The following CTNNAL1 variants were observed in gnomAD, a reference collection of about 807,000 sequenced individuals.
The protein encoded by CTNNAL1 is catenin alpha like 1.
A neutral mutation model predicts 93.6 loss-of-function variants in CTNNAL1; 69 were observed. The observed-to-expected ratio is 0.74, with a 90% CI of 0.61 to 0.90. The LOEUF is 0.90. Among genes scored for constraint, CTNNAL1 ranks in the 40% least tolerant of loss-of-function variants. The pLI is 0.00. For missense variants in CTNNAL1, 836 were observed against 862.0 expected, an observed-to-expected ratio of 0.97 and a Z score of 0.38; for synonymous variants, 286 against 305.4, an observed-to-expected ratio of 0.94 and a Z score of 0.66.
At position 108,972,721 on chromosome 9, in the gene CTNNAL1, G is replaced by A. The variant is rs775372265; in HGVS notation, c.1301C>T (p.Ala434Val). The change falls in exon 9 of 19, where the codon GCT becomes GTT. Residue 434 changes from alanine (A) to valine (V), a missense_variant. By Grantham distance (64) the Ala-to-Val change is moderately conservative (BLOSUM62 0). Coordinates refer to ENST00000325551, the MANE Select transcript of CTNNAL1 (RefSeq NM_003798.4). Reference sequence around the variant, plus strand: ...TTCAGAGAGTTTACAGGCATATTCAGCCAAAGCTTCTAAATTTCCTTCTAC... The same window carrying A: ...TTCAGAGAGTTTACAGGCATATTCAACCAAAGCTTCTAAATTTCCTTCTAC... ...TGVEGNLEAL[A>V]EYACKLSEQK... is the part of the protein sequence containing the mutation. 1 of 1,613,906 alleles carries A rather than the reference G, an allele frequency of 6.2e-7. No homozygotes were observed. The highest frequency in any genetic ancestry group is 8.5e-7 in the Non-Finnish European group (1 of 1,179,984).
intron 4 of CTNNAL1, among the ~76,000 whole-genome samples, chr9:108,987,272 T>A (rs1831640540): frequency 6.6e-6 from 1 of 151,334 alleles, no homozygotes. Context: ...CCAGCACCAT[T>A]TATTAAATAG....
At chr9:108,971,425 C>G (rs1388161606) in intron 9 of CTNNAL1, among the ~76,000 whole-genome samples, 1 of 152,152 alleles carries the variant, frequency 6.6e-6, no homozygotes, top group South Asian at 2.1e-4. Context: ...TGTCCCTACC[C>G]AAATCTCACC....
At chr9:109,007,055 C>CA (rs1331898073) in intron 1 of CTNNAL1, among the ~76,000 whole-genome samples, 1 of 151,864 alleles carries the variant, frequency 6.6e-6, no homozygotes, top group Non-Finnish European at 1.5e-5. Context: ...TCCATCTCTA[C>CA]AAAAAAACAA....
chr9:108,979,311 C>A lies in CTNNAL1; in HGVS notation c.1071G>T (p.Leu357=). 2 of 1,614,138 alleles carry A rather than the reference C, an allele frequency of 1.2e-6. No individual in the cohort carries two copies. The highest frequency in any genetic ancestry group is 1.7e-6 in the Non-Finnish European group (2 of 1,180,002). ...GAATCCACACAGAAATTAACTGCTG[C>A]AGTTCCATTCTCGCCTGAGTTGACA... ...LELSTQARME[L]QQLISVWIQA... Residue 357 remains leucine (L), a synonymous_variant, in exon 7 of 19, where the codon CTG becomes CTT. Transcript: ENST00000325551.
At chr9:108,964,373 A>G (rs926260468) in intron 11 of CTNNAL1, among the ~76,000 whole-genome samples, 1 of 152,226 alleles carries the variant, frequency 6.6e-6, no homozygotes, top group Non-Finnish European at 1.5e-5. Flanking sequence ...ATTGTAAATG[A>G]CATTTTATTT....
chr9:108,996,129 T>A (rs1832007994), intron 2 of CTNNAL1, among the ~76,000 whole-genome samples: 1 of 151,134 alleles, frequency 6.6e-6, no homozygotes, highest in Non-Finnish European at 1.5e-5. Context: ...CACCTGGCTA[T>A]TTTTTTTTCT....
intron 15 of CTNNAL1, 135 bp from the exon 16 acceptor site, chr9:108,944,153 A>C (rs1830330117): frequency 1.2e-6 from 1 of 812,948 alleles, no homozygotes; most frequent in South Asian, 1.9e-5. Context: ...GGAACTCCTA[A>C]ACTTTTTCCA....
At chr9:108,944,264 A>G (rs1000204190) in intron 15 of CTNNAL1, among the ~76,000 whole-genome samples, 2 of 152,200 alleles carry the variant, frequency 1.3e-5, no homozygotes, top group East Asian at 1.9e-4. Flanking sequence ...CAGACCTCCA[A>G]TTATTCTGGA....
intron 14 of CTNNAL1, among the ~76,000 whole-genome samples, chr9:108,951,160 G>A (rs866476199): frequency 4.0e-4 from 60 of 149,200 alleles, no homozygotes; most frequent in African/African-American, 1.2e-3. Context: ...ACAGGCGCCC[G>A]CCACCACGCC....
At chr9:108,970,737 G>A (rs1449251740) in intron 9 of CTNNAL1, among the ~76,000 whole-genome samples, 1 of 152,082 alleles carries the variant, frequency 6.6e-6, no homozygotes, top group African/African-American at 2.4e-5. Flanking sequence ...TCATGGCAAG[G>A]TGGTTACAGA....
intron 7 of CTNNAL1, 101 bp downstream of exon 7, chr9:108,979,180 C>G: frequency 6.9e-7 from 1 of 1,442,906 alleles, no homozygotes; most frequent in East Asian, 2.4e-5. Flanking sequence ...CATTCTGGAA[C>G]AAATTCATAC....
At chr9:108,989,895 CA>C (rs1421851423) in intron 4 of CTNNAL1, among the ~76,000 whole-genome samples, 2 of 151,840 alleles carry the variant, frequency 1.3e-5, no homozygotes, top group African/African-American at 2.4e-5. Flanking sequence ...ACTAAAAATA[CA>C]AAAAGTTAGC....
chr9:108,950,466 C>T (rs773806183), intron 14 of CTNNAL1: 7 of 1,540,964 alleles, frequency 4.5e-6, no homozygotes, highest in Admixed American at 2.0e-5. Context: ...TAAACAGCAG[C>T]AAAATTTCTA....
At chr9:108,951,646 A>G (rs1468484429) in intron 14 of CTNNAL1, among the ~76,000 whole-genome samples, 1 of 152,190 alleles carries the variant, frequency 6.6e-6, no homozygotes, top group Non-Finnish European at 1.5e-5. Flanking sequence ...ACTAAAATGG[A>G]AGACTGAAAT....
intron 1 of CTNNAL1, among the ~76,000 whole-genome samples, chr9:109,008,953 G>A (rs1827126122): frequency 8.1e-6 from 1 of 123,474 alleles, no homozygotes; most frequent in Non-Finnish European, 1.6e-5. Flanking sequence ...TGAGTGAAGT[G>A]TTGTGATCAC....
chr9:108,973,423 A>G (rs1340052284), intron 8 of CTNNAL1, among the ~76,000 whole-genome samples: 3 of 152,200 alleles, frequency 2.0e-5, no homozygotes. Flanking sequence ...CAAGCACTGT[A>G]GCACTGTACT....
chr9:108,958,718 T>A (rs1407652873), intron 11 of CTNNAL1, among the ~76,000 whole-genome samples: 1 of 151,754 alleles, frequency 6.6e-6, no homozygotes, highest in Non-Finnish European at 1.5e-5. Flanking sequence ...TTTTTATAGA[T>A]GTTATTTCCC....
rs201619015 is a variant in CTNNAL1 at position 108,990,839 on chromosome 9, C to T, written c.526G>A (p.Ala176Thr). Reference sequence around the variant, plus strand: ...ACTTTCTCTAGTCTTTCCATAGTTGCGAGAACCTGCAAAACAGATAATAAT... The same window carrying T: ...ACTTTCTCTAGTCTTTCCATAGTTGTGAGAACCTGCAAAACAGATAATAAT... ...QIITSRNKVL[A>T]TMERLEKVNS... The change falls in exon 4 of 19, where the codon GCA becomes ACA. Residue 176 changes from alanine (A) to threonine (T), a missense_variant. Ala to Thr is a moderately conservative substitution (Grantham distance 58). Coordinates refer to ENST00000325551, the MANE Select transcript of CTNNAL1 (RefSeq NM_003798.4). The T allele has an allele frequency of 2.3e-5, 37 of 1,611,574 alleles. 1 individual carries two copies. Among genetic ancestry groups the T allele is most frequent in the East Asian group, 1.1e-4 (5 of 44,802 alleles).
Position 108,942,593 on chromosome 9 carries a change from A to G in CTNNAL1, c.*176T>C. 1 of 578,904 alleles carries G rather than the reference A, an allele frequency of 1.7e-6. No individual in the cohort carries two copies. The highest frequency in any genetic ancestry group is 2.4e-5 in the South Asian group (1 of 42,350). 35.9% of individuals were successfully genotyped at this position (578,904 alleles called of 1,614,324 possible). A position where few individuals can be genotyped will look rare whatever the true frequency, so the allele number is the denominator to read the frequency against. ...ATTAGAATCTAGCAATTACCAAGAC[A>G]TTTATTAGTTGTCAAAAAGCTTTAC... On this transcript the variant is annotated 3_prime_UTR_variant, in exon 19 of 19. Coordinates refer to ENST00000325551, the MANE Select transcript of CTNNAL1 (RefSeq NM_003798.4).
Sources: gnomAD v4.1 joint callset for allele counts (sites outside exome capture counted in the v4.1 genomes callset) on GRCh38, gnomAD v4.1.1 for gene constraint, MANE v1.5 for transcripts, NCBI Gene and HGNC (gene_info 2026-07-23, HGNC 2026-07-21) for gene names.